Variants in MAGI3 observed in about 807,000 individuals in gnomAD.
MAGI3 encodes membrane-associated guanylate kinase, WW and PDZ domain-containing protein 3.
MAGI3 carries 43 observed loss-of-function variants against 121.8 expected under a neutral mutation model. The ratio of observed to expected loss-of-function variants is 0.35; its 90% CI spans 0.28 to 0.46. MAGI3 has a LOEUF of 0.46. Among genes scored for constraint, MAGI3 ranks in the 20% least tolerant of loss-of-function variants. The probability of loss-of-function intolerance (pLI) is 1.00; values close to 1 mark genes in which losing one functional copy is unlikely to be tolerated. For missense variants in MAGI3, 1,547 were observed against 1,797.3 expected (o/e 0.86, Z 2.52); for synonymous variants, 553 against 639.3 (o/e 0.86, Z 2.04).
chr1:113,539,017 CT>C (rs932561244), intron 1 of MAGI3, among the ~76,000 whole-genome samples: 1 of 151,372 alleles, frequency 6.6e-6, no homozygotes, highest in Admixed American at 6.6e-5. Context: ...GTTTGTAAAA[CT>C]TTTTTTTTCA....
intron 1 of MAGI3, among the ~76,000 whole-genome samples, chr1:113,440,917 A>C (rs1279588785): frequency 6.6e-6 from 1 of 152,166 alleles, no homozygotes; most frequent in African/African-American, 2.4e-5. Flanking sequence ...TTGGCTTTAC[A>C]GGCATTTTCT....
chr1:113,469,585 A>G (rs1655447577), intron 1 of MAGI3, among the ~76,000 whole-genome samples: 2 of 151,998 alleles, frequency 1.3e-5, no homozygotes, highest in Non-Finnish European at 2.9e-5. Flanking sequence ...CTCTGGGAAA[A>G]GTATAAAGAA....
At chr1:113,682,565 A>G (rs1200090670) in intron 20 of MAGI3, 4 of 1,215,464 alleles carry the variant, frequency 3.3e-6, no homozygotes, top group Non-Finnish European at 4.1e-6. Flanking sequence ...TTCTTGGGCC[A>G]CGTAATTTGG....
chr1:113,513,617 A>C (rs1027600964), intron 1 of MAGI3, among the ~76,000 whole-genome samples: 1 of 152,178 alleles, frequency 6.6e-6, no homozygotes. Flanking sequence ...ACCTTATACA[A>C]AAATTAATTC....
intron 1 of MAGI3, among the ~76,000 whole-genome samples, chr1:113,510,978 G>A (rs572840861): frequency 6.6e-6 from 1 of 152,162 alleles, no homozygotes; most frequent in Non-Finnish European, 1.5e-5. Context: ...ACAGTTAATT[G>A]TTGAAGTCTT....
rs560873671 is a variant in MAGI3 at position 113,489,172 on chromosome 1, C to G, written c.317-60343C>G. Reference sequence around the variant, plus strand: ...CAGCGGTCTGGGAACACCTTAGGCCCCCCCCGACCCCAGCACAGTGGATTT... The same window carrying G: ...CAGCGGTCTGGGAACACCTTAGGCCGCCCCCGACCCCAGCACAGTGGATTT... On this transcript the variant is annotated intron_variant, in intron 1 of 20. Transcript: ENST00000307546. Among the ~76,000 whole-genome samples the G allele has an allele frequency of 6.0e-5, 9 of 149,642 alleles. No individual in the cohort carries two copies. In the East Asian group the frequency reaches 1.8e-3, roughly 30 times the overall value.
intron 1 of MAGI3, among the ~76,000 whole-genome samples, chr1:113,413,138 C>T (rs929529060): frequency 1.3e-5 from 2 of 152,150 alleles, no homozygotes; most frequent in Non-Finnish European, 2.9e-5. Context: ...ATAGGGAATC[C>T]TTTCCCCATT....
intron 8 of MAGI3, 64 bp downstream of exon 8, chr1:113,619,894 A>G: frequency 8.3e-7 from 1 of 1,200,460 alleles, no homozygotes; most frequent in Non-Finnish European, 1.2e-6. Flanking sequence ...CTGAGTTAAT[A>G]AAAGTGAGTT....
chr1:113,414,937 A>G (rs1652221887), intron 1 of MAGI3, among the ~76,000 whole-genome samples: 1 of 152,096 alleles, frequency 6.6e-6, no homozygotes, highest in Non-Finnish European at 1.5e-5. Flanking sequence ...AGTTCCTTTT[A>G]TACCTGTAAC....
At chr1:113,541,588 G>A (rs1444650955) in intron 1 of MAGI3, among the ~76,000 whole-genome samples, 1 of 152,156 alleles carries the variant, frequency 6.6e-6, no homozygotes, top group Non-Finnish European at 1.5e-5. Context: ...CATACTTAGA[G>A]AAATGTGTAG....
chr1:113,442,225 C>G (rs1653954032), intron 1 of MAGI3, among the ~76,000 whole-genome samples: 1 of 152,060 alleles, frequency 6.6e-6, no homozygotes, highest in Non-Finnish European at 1.5e-5. Context: ...CTTTTAGAAA[C>G]TGTTTTGAGA....
intron 1 of MAGI3, among the ~76,000 whole-genome samples, chr1:113,533,751 CTTGAT>C (rs1226604387): frequency 6.6e-6 from 1 of 151,268 alleles, no homozygotes; most frequent in East Asian, 1.9e-4. Flanking sequence ...CTTAATCTCC[CTTGAT>C]TTGGACTGTT....
At chr1:113,437,922 CCTCCTT>C (rs1440146784) in intron 1 of MAGI3, among the ~76,000 whole-genome samples, 1 of 10,714 alleles carries the variant, frequency 9.3e-5, no homozygotes, top group African/African-American at 5.7e-4. Flanking sequence ...TTCTCCTTCT[CCTCCTT>C]CTCCTTCTCC....
chr1:113,616,101 A>G (rs755641131), intron 7 of MAGI3, among the ~76,000 whole-genome samples: 28 of 152,172 alleles, frequency 1.8e-4, no homozygotes, highest in Non-Finnish European at 2.6e-4. Context: ...CTGTTATAAA[A>G]CCTTGAGCTG....
chr1:113,678,031 C>G (rs1647982812), intron 19 of MAGI3, among the ~76,000 whole-genome samples: 1 of 152,096 alleles, frequency 6.6e-6, no homozygotes, highest in African/African-American at 2.4e-5. Flanking sequence ...AGCAATGGCT[C>G]CCCCTCCTTC....
chr1:113,621,955 G>T (rs1650844737), intron 8 of MAGI3, among the ~76,000 whole-genome samples: 1 of 152,092 alleles, frequency 6.6e-6, no homozygotes, highest in African/African-American at 2.4e-5. Flanking sequence ...ATGGATGTGG[G>T]TTGGGGAGAA....
chr1:113,437,798 T>C (rs1253360326), intron 1 of MAGI3, among the ~76,000 whole-genome samples: 2 of 147,550 alleles, frequency 1.4e-5, no homozygotes, highest in Admixed American at 6.8e-5. Context: ...TTCCTTCTTC[T>C]TTCTTCTTTT....
chr1:113,654,463 TA>T (rs1653361373), intron 15 of MAGI3, among the ~76,000 whole-genome samples: 1 of 152,226 alleles, frequency 6.6e-6, no homozygotes, highest in African/African-American at 2.4e-5. Flanking sequence ...TATTTTATGT[TA>T]TTATTTAATA....
chr1:113,622,521 A>G (rs1650890119), intron 8 of MAGI3, among the ~76,000 whole-genome samples: 1 of 152,194 alleles, frequency 6.6e-6, no homozygotes. Flanking sequence ...AGTTTGTGAC[A>G]CTTGACTTCA....
Sources: allele counts gnomAD v4.1 joint callset (sites outside exome capture counted in the v4.1 genomes callset), GRCh38; gene constraint gnomAD v4.1.1; transcripts MANE v1.5; gene names NCBI Gene and HGNC (gene_info 2026-07-23, HGNC 2026-07-21).